Variants in PATJ observed in about 807,000 individuals in gnomAD.
The protein encoded by PATJ is PATJ crumbs cell polarity complex component.
PATJ carries 190 observed loss-of-function variants against 224.9 expected under a neutral mutation model. The ratio of observed to expected loss-of-function variants is 0.84; its 90% CI spans 0.75 to 0.95. PATJ has a LOEUF of 0.95. Ranked by LOEUF, PATJ falls within the 40% of genes least tolerant of loss-of-function variation. PATJ has a pLI of 0.00. For missense variants in PATJ, 2,121 were observed against 2,270.3 expected (o/e 0.93, Z 1.34); for synonymous variants, 769 against 820.3 (o/e 0.94, Z 1.07).
At position 62,114,076 on chromosome 1, in the gene PATJ, C is replaced by T. The variant is rs1197522014; in HGVS notation, c.4485C>T (p.Asn1495=). The T allele has an allele frequency of 3.1e-6, 5 of 1,614,082 alleles. No homozygotes were observed. The highest frequency in any genetic ancestry group is 1.7e-4 in the Middle Eastern group (1 of 6,058). ...ILEVNGVDLR[N]SSHEEAITAL... Reference sequence around the variant, plus strand: ...AGGTTAATGGGGTTGACCTGAGGAACTCCAGCCACGAAGAAGCCATCACAG... The same window carrying T: ...AGGTTAATGGGGTTGACCTGAGGAATTCCAGCCACGAAGAAGCCATCACAG... Residue 1495 remains asparagine, a synonymous_variant, in exon 35 of 44, where the codon AAC becomes AAT. Coordinates refer to ENST00000642238, the MANE Select transcript of PATJ (RefSeq NM_001350145.3).
chr1:62,032,132 G>T (rs976894544), intron 29 of PATJ, among the ~76,000 whole-genome samples: 1 of 152,226 alleles, frequency 6.6e-6, no homozygotes, highest in East Asian at 1.9e-4. Flanking sequence ...AAGTCAAGGC[G>T]TTGGTCAGGC....
intron 1 of PATJ, among the ~76,000 whole-genome samples, chr1:61,748,710 T>C (rs2148161774): frequency 6.6e-6 from 1 of 152,184 alleles, no homozygotes; most frequent in East Asian, 1.9e-4. Context: ...AATTATTAGC[T>C]TTTGCAGTGC....
Position 62,004,956 on chromosome 1 carries a change from C to A in PATJ, c.3868-12900C>A, listed in dbSNP as rs1295365710. Among the ~76,000 whole-genome samples the A allele has an allele frequency of 5.9e-5, 9 of 152,258 alleles. No individual in the cohort carries two copies. In the East Asian group the frequency reaches 1.7e-3, roughly 29 times the overall value. ...TTCTTCACTCTGCATGCAGTGTTTT[C>A]TTTCTATGACAATGCATCTACATCT... On this transcript the variant is annotated intron_variant, in intron 28 of 43. Transcript: ENST00000642238.
chr1:61,824,488 T>A (rs1426664194), intron 15 of PATJ, among the ~76,000 whole-genome samples: 1 of 150,606 alleles, frequency 6.6e-6, no homozygotes, highest in Admixed American at 6.7e-5. Context: ...TGCAGTGGTG[T>A]GGTCATAGCT....
chr1:62,125,148 G>GATCTT (rs1436819322), intron 39 of PATJ, among the ~76,000 whole-genome samples: 18 of 147,088 alleles, frequency 1.2e-4, no homozygotes, highest in Admixed American at 1.4e-4. Flanking sequence ...GAAGTGGGAA[G>GATCTT]ATCGCTTGAG....
At chr1:61,758,739 G>A (rs1422426948) in intron 1 of PATJ, among the ~76,000 whole-genome samples, 1 of 151,810 alleles carries the variant, frequency 6.6e-6, no homozygotes, top group Non-Finnish European at 1.5e-5. Flanking sequence ...CCTAAAGAAA[G>A]CCTTTTCTGT....
At chr1:62,131,084 C>T (rs533591232) in intron 41 of PATJ, among the ~76,000 whole-genome samples, 4 of 152,110 alleles carry the variant, frequency 2.6e-5, no homozygotes, top group African/African-American at 9.6e-5. Context: ...TGTGATAGGC[C>T]AAATATTATT....
Position 62,117,122 on chromosome 1 carries a change from C to G in PATJ, c.4804-10C>G. 1.2e-6 allele frequency: 2 copies of G among 1,609,852 alleles called. No homozygotes were observed. The highest frequency in any genetic ancestry group is 1.7e-6 in the Non-Finnish European group (2 of 1,176,926). The stretch of plus-strand genomic sequence containing the variant: ...ACTTTTCATTTCTGTTCTTTTCTTG[C>G]CTTTCCAAGTGTGCACAGGGACTTG... On this transcript the variant is annotated splice_polypyrimidine_tract_variant and intron_variant, in intron 36 of 43. Transcript: ENST00000642238.
At chr1:62,099,617 A>G (rs1661896821) in intron 33 of PATJ, among the ~76,000 whole-genome samples, 1 of 152,236 alleles carries the variant, frequency 6.6e-6, no homozygotes, top group African/African-American at 2.4e-5. Context: ...GATCAAATTA[A>G]GTAAAACATG....
At chr1:61,936,791 C>G (rs779773539) in intron 27 of PATJ, among the ~76,000 whole-genome samples, 42 of 152,062 alleles carry the variant, frequency 2.8e-4, no homozygotes, top group Non-Finnish European at 1.3e-4. Context: ...AGGCTGGTCT[C>G]AAACTCCTGA....
At chr1:61,790,222 A>AGAAG (rs554033080) in intron 8 of PATJ, among the ~76,000 whole-genome samples, 1 of 150,794 alleles carries the variant, frequency 6.6e-6, no homozygotes, top group African/African-American at 2.4e-5. Flanking sequence ...AAAAAAAAAA[A>AGAAG]AAGAAGAAGA....
rs1455909253 is a variant in PATJ at position 62,161,045 on chromosome 1, G to A, written c.5640G>A (p.Val1880=). 3.2e-6 allele frequency: 5 copies of A among 1,547,564 alleles called. No individual in the cohort carries two copies. The African/African-American group carries it at 5.5e-5, about 17-fold the overall frequency. ...KHQRGTVTLT[V]LS ...AGAGAGGGACTGTAACCTTAACTGT[G>A]CTGTCATGAGCCTCGGGCCTGATCA... is the stretch of plus-strand genomic sequence containing the variant. The change falls in exon 44 of 44, where the codon GTG becomes GTA. Residue 1880 remains valine, a synonymous_variant. Transcript: ENST00000642238.
Position 62,038,321 on chromosome 1 carries a change from C to T in PATJ, c.4032+272C>T, listed in dbSNP as rs549394808. On this transcript the variant is annotated intron_variant, in intron 30 of 43. Transcript: ENST00000642238. ...TCCTAATTGAGCATTTCAGAATTTACAAGAAAATTCTCTTTGTTTATGACT... is the reference window on the plus strand; with the variant it reads ...TCCTAATTGAGCATTTCAGAATTTATAAGAAAATTCTCTTTGTTTATGACT... Among the ~76,000 whole-genome samples the T allele has an allele frequency of 1.2e-4, 19 of 152,296 alleles. No individual in the cohort carries two copies. The South Asian group carries it at 3.3e-3, about 27-fold the overall frequency.
intron 26 of PATJ, among the ~76,000 whole-genome samples, chr1:61,927,124 A>G (rs537482105): frequency 3.3e-5 from 5 of 152,306 alleles, no homozygotes; most frequent in East Asian, 3.9e-4. Context: ...ATCATTTGGT[A>G]TGTGAATTGA....
intron 27 of PATJ, among the ~76,000 whole-genome samples, chr1:61,929,287 G>A (rs1323536606): frequency 6.6e-6 from 1 of 152,210 alleles, no homozygotes; most frequent in Non-Finnish European, 1.5e-5. Flanking sequence ...GTGCACCTAA[G>A]ATTATGTTCT....
At chr1:62,130,682 T>C (rs866389824) in intron 41 of PATJ, among the ~76,000 whole-genome samples, 1 of 151,716 alleles carries the variant, frequency 6.6e-6, no homozygotes, top group African/African-American at 2.4e-5. Context: ...AAACCCCATC[T>C]CTACTAAAAA....
chr1:61,770,053 C>G (rs1287336520), intron 5 of PATJ, among the ~76,000 whole-genome samples: 6 of 151,948 alleles, frequency 3.9e-5, no homozygotes, highest in Non-Finnish European at 8.8e-5. Flanking sequence ...GTATGCTATT[C>G]CAATGCACGT....
intron 27 of PATJ, among the ~76,000 whole-genome samples, chr1:61,983,746 C>G (rs1010166288): frequency 1.3e-5 from 2 of 151,848 alleles, no homozygotes; most frequent in African/African-American, 4.9e-5. Flanking sequence ...ACAAGGAGCT[C>G]ATGGAGTTTA....
chr1:61,764,406 T>C (rs1646146119), intron 3 of PATJ, among the ~76,000 whole-genome samples: 1 of 113,622 alleles, frequency 8.8e-6, no homozygotes, highest in African/African-American at 3.3e-5. Context: ...GGGGTGCAAA[T>C]TAGCAGTTGT....
Sources: allele counts gnomAD v4.1 joint callset (sites outside exome capture counted in the v4.1 genomes callset), GRCh38; gene constraint gnomAD v4.1.1; transcripts MANE v1.5; gene names NCBI Gene and HGNC (gene_info 2026-07-23, HGNC 2026-07-21).